The following RAB2A variants were observed in gnomAD, a reference collection of about 807,000 sequenced individuals.
RAB2A encodes ras-related protein Rab-2A.
In RAB2A, 7 loss-of-function variants were observed where a neutral mutation model predicts 32.5. The observed-to-expected ratio is 0.22, with a 90% CI of 0.12 to 0.40. The LOEUF (loss-of-function observed/expected upper bound fraction) is 0.40. Ranked by LOEUF, RAB2A falls within the 10% of genes least tolerant of loss-of-function variation. The pLI is 1.00. For synonymous variants in RAB2A, 79 were observed against 85.2 expected, an observed-to-expected ratio of 0.93 and a Z score of 0.40; for missense variants, 108 against 260.7, an observed-to-expected ratio of 0.41 and a Z score of 4.03.
intron 4 of RAB2A, 38 bp from the exon 5 acceptor site, chr8:60,584,685 G>T (rs780081515): frequency 1.3e-6 from 2 of 1,500,288 alleles, no homozygotes; most frequent in African/African-American, 1.4e-5. Context: ...TGAGGGAAAT[G>T]CTTTGAACAT....
At chr8:60,602,892 A>G (rs374758695) in intron 6 of RAB2A, among the ~76,000 whole-genome samples, 8 of 152,322 alleles carry the variant, frequency 5.3e-5, no homozygotes, top group African/African-American at 1.4e-4. Flanking sequence ...GCAGAGCTCT[A>G]TGGGAGAGGC....
intron 1 of RAB2A, among the ~76,000 whole-genome samples, chr8:60,557,998 T>C (rs1013940812): frequency 3.9e-5 from 6 of 152,262 alleles, no homozygotes; most frequent in Non-Finnish European, 8.8e-5. Flanking sequence ...CTGTAAGCTC[T>C]GTACACAGGA....
At chr8:60,595,820 C>G (rs543819536) in intron 6 of RAB2A, among the ~76,000 whole-genome samples, 1 of 152,138 alleles carries the variant, frequency 6.6e-6, no homozygotes, top group Non-Finnish European at 1.5e-5. Flanking sequence ...CAAGATAGAC[C>G]GTGTCCTGGG....
intron 6 of RAB2A, among the ~76,000 whole-genome samples, chr8:60,596,410 G>A (rs1452743569): frequency 6.6e-6 from 1 of 151,916 alleles, no homozygotes; most frequent in African/African-American, 2.4e-5. Flanking sequence ...CTGACAAAAG[G>A]GCTAATATCC....
At chr8:60,565,653 C>T (rs1808098895) in intron 2 of RAB2A, among the ~76,000 whole-genome samples, 1 of 140,950 alleles carries the variant, frequency 7.1e-6, no homozygotes, top group Admixed American at 7.6e-5. Context: ...TCTCATTAAG[C>T]TCTGAAAAAG....
At position 60,620,942 on chromosome 8, in the gene RAB2A, G is replaced by C. The variant is rs746390525; in HGVS notation, c.*173G>C. The C allele has an allele frequency of 6.7e-5, 37 of 554,294 alleles. No individual in the cohort carries two copies. The highest frequency in any genetic ancestry group is 1.0e-4 in the Non-Finnish European group (32 of 321,470). 34.3% of individuals were successfully genotyped at this position (554,294 alleles called of 1,614,324 possible). On this transcript the variant is annotated 3_prime_UTR_variant, in exon 8 of 8. Transcript: ENST00000262646. ...ATAAATGGTTAATGTTCACTTAAAA[G>C]ACAGATTTTGGAGATTGTATTCATA...
rs780081515 is a variant in RAB2A, at chr8:60,584,685, G to A, written c.270-38G>A. On this transcript the variant is annotated intron_variant, in intron 4 of 7. Coordinates refer to ENST00000262646, the MANE Select transcript of RAB2A (RefSeq NM_002865.3). ...TTGTTCGTTGTATACTGAGGGAAATGCTTTGAACATAGTAATTAAATTATT... is the reference window on the plus strand; with the variant it reads ...TTGTTCGTTGTATACTGAGGGAAATACTTTGAACATAGTAATTAAATTATT... The A allele has an allele frequency of 2.7e-6, 4 of 1,500,288 alleles. No individual in the cohort carries two copies. The South Asian group carries it at 4.6e-5, about 17-fold the overall frequency. 92.9% of individuals were successfully genotyped at this position (1,500,288 alleles called of 1,614,324 possible).
At chr8:60,592,025 A>G (rs970698576) in intron 6 of RAB2A, 56 bp downstream of exon 6, 10 of 1,042,182 alleles carry the variant, frequency 9.6e-6, no homozygotes, top group Non-Finnish European at 1.4e-5. Context: ...AATGTTTTAT[A>G]TATCTTCATT....
chr8:60,616,808 T>C (rs1804456690), intron 6 of RAB2A, among the ~76,000 whole-genome samples: 1 of 152,216 alleles, frequency 6.6e-6, no homozygotes, highest in African/African-American at 2.4e-5. Context: ...CTGACTGGTG[T>C]GTGCTTGGTG....
chr8:60,535,146 C>T (rs1293807939), intron 1 of RAB2A, among the ~76,000 whole-genome samples: 1 of 152,136 alleles, frequency 6.6e-6, no homozygotes, highest in East Asian at 1.9e-4. Flanking sequence ...TTTCACAGTG[C>T]ATTATTTTAC....
At chr8:60,603,448 T>G (rs1307372157) in intron 6 of RAB2A, among the ~76,000 whole-genome samples, 1 of 152,228 alleles carries the variant, frequency 6.6e-6, no homozygotes, top group Non-Finnish European at 1.5e-5. Flanking sequence ...GAAATAAGTT[T>G]ACTATTAGTC....
intron 1 of RAB2A, among the ~76,000 whole-genome samples, chr8:60,518,453 C>A (rs797009369): frequency 1.3e-5 from 2 of 151,890 alleles, no homozygotes; most frequent in South Asian, 4.2e-4. Context: ...ATCAGGAGTT[C>A]GAGACCTGCT....
intron 3 of RAB2A, 79 bp downstream of exon 3, chr8:60,572,192 A>G: frequency 9.3e-7 from 1 of 1,076,746 alleles, no homozygotes; most frequent in South Asian, 1.4e-5. Flanking sequence ...TTTTAATGTT[A>G]TTATATGCCT....
chr8:60,602,917 G>T (rs949119750), intron 6 of RAB2A, among the ~76,000 whole-genome samples: 14 of 152,162 alleles, frequency 9.2e-5, no homozygotes, highest in Non-Finnish European at 1.9e-4. Flanking sequence ...TAGCACAGTG[G>T]GTAGAAACTG....
chr8:60,558,434 AC>A (rs1225289368), intron 1 of RAB2A: 1 of 513,428 alleles, frequency 1.9e-6, no homozygotes, highest in South Asian at 1.4e-5. Flanking sequence ...TAGATCTCAG[AC>A]ACTTATTGCT....
chr8:60,530,449 C>T (rs1462080056), intron 1 of RAB2A, among the ~76,000 whole-genome samples: 1 of 151,892 alleles, frequency 6.6e-6, no homozygotes, highest in African/African-American at 2.4e-5. Context: ...CCTGGCTGCT[C>T]CTGGCTGATT....
intron 1 of RAB2A, among the ~76,000 whole-genome samples, chr8:60,555,335 G>C (rs575575576): frequency 6.6e-6 from 1 of 152,124 alleles, no homozygotes; most frequent in South Asian, 2.1e-4. Context: ...GTCTTCAAAA[G>C]CACAAAAAGC....
At chr8:60,572,206 A>T in intron 3 of RAB2A, 93 bp downstream of exon 3, 3 of 952,336 alleles carry the variant, frequency 3.2e-6, no homozygotes, top group Non-Finnish European at 4.7e-6. Flanking sequence ...TATGCCTGTT[A>T]TGGTTTGTTA....
intron 2 of RAB2A, chr8:60,569,892 G>T (rs1808171711): frequency 2.3e-6 from 1 of 443,608 alleles, no homozygotes; most frequent in African/African-American, 2.0e-5. Flanking sequence ...GAATATTCTA[G>T]AATGTCTGTA....
Sources: gnomAD v4.1 joint callset for allele counts (sites outside exome capture counted in the v4.1 genomes callset) on GRCh38, gnomAD v4.1.1 for gene constraint, MANE v1.5 for transcripts, NCBI Gene and HGNC (gene_info 2026-07-23, HGNC 2026-07-21) for gene names.